EYS: variants seen among roughly 807,000 people sequenced by gnomAD.
EYS encodes the protein EGF-like photoreceptor maintenance factor.
A neutral mutation model predicts 282.1 loss-of-function variants in EYS; 250 were observed. The observed-to-expected ratio is 0.89, with a 90% CI of 0.80 to 0.98. EYS has a LOEUF of 0.98. EYS is among the 50% of genes least tolerant of loss of function. The pLI, the probability that EYS is intolerant of heterozygous loss-of-function variation, is 0.00. For missense variants in EYS, 4,016 were observed against 3,709.0 expected (o/e 1.08, Z -2.15); for synonymous variants, 1,355 against 1,282.9 (o/e 1.06, Z -1.20).
chr6:64,264,891 G>A (rs1582506555), intron 30 of EYS, among the ~76,000 whole-genome samples: 1 of 152,090 alleles, frequency 6.6e-6, no homozygotes, highest in African/African-American at 2.4e-5. Flanking sequence ...GTGAAAGAGT[G>A]AGACTGTCTC....
chr6:65,182,058 T>G (rs1393864958), intron 12 of EYS, among the ~76,000 whole-genome samples: 2 of 151,292 alleles, frequency 1.3e-5, no homozygotes, highest in African/African-American at 4.8e-5. Context: ...GGGCCTGTTT[T>G]GGGTAGGGGT....
At chr6:64,318,777 T>C (rs1028214304) in intron 29 of EYS, among the ~76,000 whole-genome samples, 2 of 151,754 alleles carry the variant, frequency 1.3e-5, no homozygotes, top group African/African-American at 4.8e-5. Context: ...TTATTTATTT[T>C]ATAGATATAT....
intron 29 of EYS, among the ~76,000 whole-genome samples, chr6:64,327,634 G>A (rs1287573219): frequency 2.6e-5 from 4 of 152,120 alleles, no homozygotes; most frequent in African/African-American, 7.2e-5. Context: ...GTGGCTGCAG[G>A]CCTGCTTTGA....
rs573803831 is a variant in EYS, at chr6:64,661,742, G to A, written c.3444-35497C>T. On this transcript the variant is annotated intron_variant, in intron 22 of 42. Transcript: ENST00000503581. ...AAAAAGTCAGGAAACAACAGGTGCTGGAGAGGATATGGAGAAATAGGAACA... is the reference window on the plus strand; with the variant it reads ...AAAAAGTCAGGAAACAACAGGTGCTAGAGAGGATATGGAGAAATAGGAACA... Among the ~76,000 whole-genome samples the A allele has an allele frequency of 2.5e-3, 344 of 139,836 alleles. 2 individuals carry two copies. Among genetic ancestry groups the A allele is most frequent in the Non-Finnish European group, 3.0e-3 (194 of 65,036 alleles). The allele number at this position is 139,836 out of a possible 152,430, so 91.7% of individuals were successfully genotyped here.
chr6:64,820,553 C>T (rs1280707112), intron 21 of EYS, among the ~76,000 whole-genome samples: 3 of 152,062 alleles, frequency 2.0e-5, no homozygotes, highest in Non-Finnish European at 4.4e-5. Context: ...CTATCCAGAA[C>T]AAAATAAACA....
intron 2 of EYS, among the ~76,000 whole-genome samples, chr6:65,575,646 C>T (rs1237807336): frequency 6.6e-6 from 1 of 151,516 alleles, no homozygotes; most frequent in African/African-American, 2.4e-5. Context: ...AAGAAATCAA[C>T]CAAATTAAAA....
chr6:64,407,829 T>C (rs1295017707), intron 28 of EYS, among the ~76,000 whole-genome samples: 1 of 152,118 alleles, frequency 6.6e-6, no homozygotes, highest in Non-Finnish European at 1.5e-5. Context: ...CCTCCTGGGT[T>C]CAAGTGATTC....
chr6:65,240,922 T>C (rs948280778), intron 12 of EYS, among the ~76,000 whole-genome samples: 1 of 152,190 alleles, frequency 6.6e-6, no homozygotes, highest in African/African-American at 2.4e-5. Context: ...GCATTCCCCT[T>C]TCTTGGCAAC....
chr6:65,630,231 G>A (rs1278853041), intron 2 of EYS, among the ~76,000 whole-genome samples: 1 of 152,192 alleles, frequency 6.6e-6, no homozygotes, highest in Non-Finnish European at 1.5e-5. Context: ...TTTGGTAGGG[G>A]AAAGGGGATC....
chr6:64,432,507 T>G (rs762560804), intron 28 of EYS, among the ~76,000 whole-genome samples: 8 of 151,118 alleles, frequency 5.3e-5, no homozygotes, highest in African/African-American at 1.7e-4. Flanking sequence ...AACTCAATTA[T>G]TATGTTAATA....
At chr6:65,235,779 G>A (rs1214487423) in intron 12 of EYS, among the ~76,000 whole-genome samples, 1 of 151,888 alleles carries the variant, frequency 6.6e-6, no homozygotes, top group Non-Finnish European at 1.5e-5. Flanking sequence ...TATATACATT[G>A]TAGTACTTTG....
intron 2 of EYS, among the ~76,000 whole-genome samples, chr6:65,568,079 C>T (rs1198191916): frequency 1.3e-5 from 2 of 151,968 alleles, no homozygotes; most frequent in African/African-American, 2.4e-5. Context: ...AAAAGAAGAT[C>T]AAGAGTAACA....
intron 32 of EYS, among the ~76,000 whole-genome samples, chr6:64,074,050 T>C (rs141307615): frequency 1.3e-5 from 2 of 151,918 alleles, no homozygotes; most frequent in East Asian, 3.9e-4. Context: ...CTTTTAGGCT[T>C]TGTAGTAAGT....
chr6:64,101,236 T>C (rs1198573443), intron 31 of EYS, among the ~76,000 whole-genome samples: 1 of 152,112 alleles, frequency 6.6e-6, no homozygotes, highest in Admixed American at 6.5e-5. Context: ...GTTTTCAGAC[T>C]ATCTTCTGTG....
intron 18 of EYS, among the ~76,000 whole-genome samples, chr6:64,894,759 T>C (rs1767400994): frequency 6.6e-6 from 1 of 152,152 alleles, no homozygotes; most frequent in Non-Finnish European, 1.5e-5. Flanking sequence ...TAGGAGTTGC[T>C]GAATACTGGT....
At chr6:64,893,076 G>A (rs1360280418) in intron 18 of EYS, among the ~76,000 whole-genome samples, 2 of 151,952 alleles carry the variant, frequency 1.3e-5, no homozygotes, top group Non-Finnish European at 2.9e-5. Flanking sequence ...CTATTTAGTT[G>A]TAAATTTTCA....
At chr6:64,999,280 C>T (rs1771377849) in intron 13 of EYS, among the ~76,000 whole-genome samples, 1 of 152,130 alleles carries the variant, frequency 6.6e-6, no homozygotes, top group Non-Finnish European at 1.5e-5. Context: ...GAGGGTTTTT[C>T]TCATATGTAA....
intron 5 of EYS, among the ~76,000 whole-genome samples, chr6:65,427,795 CA>C (rs1767718850): frequency 6.6e-6 from 1 of 151,720 alleles, no homozygotes; most frequent in African/African-American, 2.4e-5. Context: ...GTATAAAATG[CA>C]ATATATGATT....
At chr6:64,888,388 TTATGTAG>T (rs1237159439) in intron 18 of EYS, among the ~76,000 whole-genome samples, 1 of 152,022 alleles carries the variant, frequency 6.6e-6, no homozygotes, top group African/African-American at 2.4e-5. Flanking sequence ...ATACAATGTA[TTATGTAG>T]TATAATGATA....
Sources: gnomAD v4.1 joint callset for allele counts (sites outside exome capture counted in the v4.1 genomes callset) on GRCh38, gnomAD v4.1.1 for gene constraint, MANE v1.5 for transcripts, NCBI Gene and HGNC (gene_info 2026-07-23, HGNC 2026-07-21) for gene names.